Variants in FYN observed in about 807,000 individuals in gnomAD.
The protein encoded by FYN is tyrosine-protein kinase Fyn.
Under a neutral mutation model 70.2 loss-of-function variants are expected in FYN, and 10 were observed. The ratio of observed to expected loss-of-function variants is 0.14; its 90% CI spans 0.09 to 0.24. The LOEUF is 0.24. FYN is among the 10% of genes least tolerant of loss of function. The pLI is 1.00. For missense variants in FYN, 319 were observed against 673.1 expected (o/e 0.47, Z 5.82); for synonymous variants, 236 against 248.6 (o/e 0.95, Z 0.48).
chr6:111,739,248 T>A (rs1285484485), intron 3 of FYN, among the ~76,000 whole-genome samples: 1 of 152,202 alleles, frequency 6.6e-6, no homozygotes, highest in South Asian at 2.1e-4. Context: ...AGACAATCTG[T>A]TTAAATTGTT....
At chr6:111,775,105 G>A (rs1803654638) in intron 3 of FYN, among the ~76,000 whole-genome samples, 1 of 152,206 alleles carries the variant, frequency 6.6e-6, no homozygotes, top group Non-Finnish European at 1.5e-5. Flanking sequence ...AAAGGCTGTG[G>A]GGTGGGACCA....
intron 12 of FYN, among the ~76,000 whole-genome samples, chr6:111,688,651 G>A (rs1337869683): frequency 6.7e-6 from 1 of 149,476 alleles, no homozygotes; most frequent in Non-Finnish European, 1.5e-5. Flanking sequence ...TGCAGCGTGT[G>A]TGTGCTCATG....
At chr6:111,859,046 G>T (rs1773893410) in intron 1 of FYN, among the ~76,000 whole-genome samples, 1 of 151,924 alleles carries the variant, frequency 6.6e-6, no homozygotes, top group South Asian at 2.1e-4. Context: ...CATCATTTTG[G>T]AACTCTCCAC....
intron 3 of FYN, among the ~76,000 whole-genome samples, chr6:111,768,576 G>A (rs886580041): frequency 7.2e-5 from 11 of 152,232 alleles, no homozygotes; most frequent in Non-Finnish European, 1.3e-4. Flanking sequence ...GACTCCGAAT[G>A]AATGGAGGGA....
rs1323504386 is a variant in FYN, at chr6:111,661,656, G to A, written c.*83C>T. The A allele has an allele frequency of 2.3e-6, 3 of 1,324,280 alleles. No individual in the cohort carries two copies. Among genetic ancestry groups the A allele is most frequent in the East Asian group, 4.6e-5 (2 of 43,230 alleles). The allele number at this position is 1,324,280 out of a possible 1,614,324, so 82.0% of individuals were successfully genotyped here. ...GATCCTGGGCGGTTCCGCTGCTGGG[G>A]AGCAGCTGGCTACGGAATTGAAAGC... is the stretch of plus-strand genomic sequence containing the variant. On this transcript the variant is annotated 3_prime_UTR_variant, in exon 14 of 14. Coordinates refer to ENST00000354650, the MANE Select transcript of FYN (RefSeq NM_002037.5). This position sits in a 1 kb window ranked among gnomAD's most constrained non-coding sequence, Gnocchi z 4.0.
chr6:111,674,983 T>A (rs1311241672), intron 12 of FYN, among the ~76,000 whole-genome samples: 1 of 152,140 alleles, frequency 6.6e-6, no homozygotes, highest in Non-Finnish European at 1.5e-5. Context: ...AGTCCTCGGG[T>A]ATATAAGATA....
chr6:111,842,541 G>GAC (rs1773394258), intron 2 of FYN, among the ~76,000 whole-genome samples: 1 of 152,190 alleles, frequency 6.6e-6, no homozygotes, highest in Admixed American at 6.5e-5. Context: ...TCACACTGGA[G>GAC]ACACATCCTC....
chr6:111,832,695 CATTTT>C (rs1773052432), intron 2 of FYN, among the ~76,000 whole-genome samples: 1 of 151,936 alleles, frequency 6.6e-6, no homozygotes, highest in Admixed American at 6.6e-5. Flanking sequence ...AGGTTTTTTC[CATTTT>C]TTTTGGCCAA....
At position 111,772,029 on chromosome 6, in the gene FYN, A is replaced by C. The variant is rs1168548426; in HGVS notation, c.-12+8537T>G. 2.0e-5 allele frequency among the ~76,000 whole-genome samples: 3 copies of C among 151,816 alleles called. No individual in the cohort carries two copies. The East Asian group carries it at 5.8e-4, about 29-fold the overall frequency. On this transcript the variant is annotated intron_variant, in intron 3 of 13. Coordinates refer to ENST00000354650, the MANE Select transcript of FYN (RefSeq NM_002037.5). ...AACCTGACAGATATGGCTTGATCTT[A>C]CTCTCCCATAGAGTCTGGGTGACCT...
intron 3 of FYN, among the ~76,000 whole-genome samples, chr6:111,778,306 G>C (rs951569224): frequency 1.3e-5 from 2 of 152,180 alleles, no homozygotes; most frequent in African/African-American, 4.8e-5. Context: ...GGGCTGGAGT[G>C]TTAGAAAGTG....
intron 2 of FYN, among the ~76,000 whole-genome samples, chr6:111,806,025 A>G (rs1772136278): frequency 6.6e-6 from 1 of 152,158 alleles, no homozygotes; most frequent in African/African-American, 2.4e-5. Flanking sequence ...GAAAAAAGGA[A>G]CGGGGAAGTG....
At chr6:111,682,359 G>A (rs1219071881) in intron 12 of FYN, among the ~76,000 whole-genome samples, 1 of 152,186 alleles carries the variant, frequency 6.6e-6, no homozygotes, top group Admixed American at 6.5e-5. Flanking sequence ...ATGTCAGGAT[G>A]GCCCATCCCA....
chr6:111,726,866 A>C (rs1332838421), intron 3 of FYN, among the ~76,000 whole-genome samples: 1 of 151,990 alleles, frequency 6.6e-6, no homozygotes, highest in Non-Finnish European at 1.5e-5. Context: ...ATGAGATCTG[A>C]TGGTTGGTTT....
chr6:111,837,339 T>C (rs1773219563), intron 2 of FYN, among the ~76,000 whole-genome samples: 1 of 152,196 alleles, frequency 6.6e-6, no homozygotes, highest in Non-Finnish European at 1.5e-5. Flanking sequence ...TTTTGCTTTT[T>C]TTTTAAATTA....
In FYN at chr6:111,839,628, T is replaced by C. The variant is rs79745023; in HGVS notation, c.-82+6961A>G. Among the ~76,000 whole-genome samples, 122 of 152,190 alleles carry C rather than the reference T, an allele frequency of 8.0e-4. 4 individuals carry two copies. The East Asian group carries it at 0.016, about 20-fold the overall frequency. On this transcript the variant is annotated intron_variant, in intron 2 of 13. Transcript: ENST00000354650. ...CCATGTTTTCAAAAAGACAGTGATA[T>C]AAAGGCAATGTATCCAGGAGGAAGT...
intron 2 of FYN, among the ~76,000 whole-genome samples, chr6:111,804,701 A>C (rs2114262869): frequency 6.6e-6 from 1 of 152,340 alleles, no homozygotes; most frequent in South Asian, 2.1e-4. Context: ...AACAGAAAAG[A>C]AAACGAGGGC....
At chr6:111,766,808 G>C (rs1803244767) in intron 3 of FYN, among the ~76,000 whole-genome samples, 1 of 152,088 alleles carries the variant, frequency 6.6e-6, no homozygotes, top group African/African-American at 2.4e-5. Context: ...TTCCCACCGG[G>C]TCCCTCCCAT....
intron 1 of FYN, among the ~76,000 whole-genome samples, chr6:111,857,489 C>T (rs907579049): frequency 3.3e-5 from 5 of 151,994 alleles, no homozygotes; most frequent in African/African-American, 7.3e-5. Context: ...TACTAAGCCA[C>T]GATTTATCAA....
At chr6:111,763,952 T>G (rs1803106817) in intron 3 of FYN, among the ~76,000 whole-genome samples, 1 of 152,034 alleles carries the variant, frequency 6.6e-6, no homozygotes, top group South Asian at 2.1e-4. Context: ...CAATTCAATA[T>G]GCAGTAGGAA....
Sources: allele counts gnomAD v4.1 joint callset (sites outside exome capture counted in the v4.1 genomes callset), GRCh38; gene constraint gnomAD v4.1.1; non-coding constraint Gnocchi (gnomAD v3.1); transcripts MANE v1.5; gene names NCBI Gene and HGNC (gene_info 2026-07-23, HGNC 2026-07-21).